Variants in HACD2 observed in about 807,000 individuals in gnomAD.
HACD2 encodes the protein 3-hydroxyacyl-CoA dehydratase 2.
A neutral mutation model predicts 31.0 loss-of-function variants in HACD2; 15 were observed. The observed-to-expected ratio is 0.48, with a 90% CI of 0.32 to 0.75. The LOEUF (loss-of-function observed/expected upper bound fraction) is 0.75. HACD2 is among the 30% of genes least tolerant of loss of function. HACD2 has a pLI of 0.03. For missense variants in HACD2, 283 were observed against 313.0 expected (o/e 0.90, Z 0.72); for synonymous variants, 115 against 122.2 (o/e 0.94, Z 0.39).
At chr3:123,528,313 C>G in intron 4 of HACD2, 73 bp downstream of exon 4, 1 of 921,694 alleles carries the variant, frequency 1.1e-6, no homozygotes. Flanking sequence ...TTAGCCATAA[C>G]AAACATGTGA....
At position 123,545,328 on chromosome 3, in the gene HACD2, A is replaced by T. The variant is rs2056545611; in HGVS notation, c.293-16854T>A. Among the ~76,000 whole-genome samples the T allele has an allele frequency of 2.6e-5, 4 of 151,214 alleles. No homozygotes were observed. The South Asian group carries it at 8.3e-4, about 32-fold the overall frequency. On this transcript the variant is annotated intron_variant, in intron 3 of 6. Transcript: ENST00000383657. ...GAAACCCCGTCTCTACTAAAAATAC[A>T]AAAATTAGCTGTGCGTGGTGGCACA...
chr3:123,502,342 T>G (rs73857650), intron 5 of HACD2, among the ~76,000 whole-genome samples: 1 of 152,218 alleles, frequency 6.6e-6, no homozygotes, highest in South Asian at 2.1e-4. Context: ...CTGATCCCAA[T>G]TAAAATAATT....
rs1413935634 is a variant in HACD2, at chr3:123,496,224, C to T, written c.683-1254G>A. On this transcript the variant is annotated intron_variant, in intron 6 of 6. Transcript: ENST00000383657. The stretch of plus-strand genomic sequence containing the variant: ...TTTTTTGTAGAGATGAGATCTCCTA[C>T]GTTGCCCAGGCTTGTCTGGAACCCC... Among the ~76,000 whole-genome samples the T allele has an allele frequency of 4.6e-5, 7 of 152,264 alleles. No homozygotes were observed. In the South Asian group the frequency reaches 8.3e-4, roughly 18 times the overall value.
chr3:123,494,679 T>C lies in HACD2; in HGVS notation c.*209A>G. ...TTCTGGTTGAAAGAGCATGCTGAAATGAACTGGCCAGGGTGTTTTATGTAA... is the reference window on the plus strand; with the variant it reads ...TTCTGGTTGAAAGAGCATGCTGAAACGAACTGGCCAGGGTGTTTTATGTAA... On this transcript the variant is annotated 3_prime_UTR_variant, in exon 7 of 7. Transcript: ENST00000383657. 1.8e-6 allele frequency: 1 copy of C among 568,878 alleles called. No individual in the cohort carries two copies. Among genetic ancestry groups the C allele is most frequent in the East Asian group, 3.1e-5 (1 of 32,458 alleles). 35.2% of individuals were successfully genotyped at this position (568,878 alleles called of 1,614,324 possible). A position where few individuals can be genotyped will look rare whatever the true frequency, so the allele number is the denominator to read the frequency against.
intron 5 of HACD2, among the ~76,000 whole-genome samples, chr3:123,501,147 A>G (rs1214885610): frequency 6.6e-6 from 1 of 151,960 alleles, no homozygotes; most frequent in Non-Finnish European, 1.5e-5. Context: ...CAAAAAAAAT[A>G]GCATAAGCAT....
intron 4 of HACD2, among the ~76,000 whole-genome samples, chr3:123,519,842 C>G (rs2056190489): frequency 6.6e-6 from 1 of 152,194 alleles, no homozygotes; most frequent in African/African-American, 2.4e-5. Flanking sequence ...AAGTAGTTTA[C>G]AGGTAATAGT....
At chr3:123,539,689 G>A (rs1003471217) in intron 3 of HACD2, among the ~76,000 whole-genome samples, 2 of 151,982 alleles carry the variant, frequency 1.3e-5, no homozygotes, top group Admixed American at 6.6e-5. Context: ...GAGAAGGCCT[G>A]TGCACCTGTT....
At chr3:123,559,375 A>C (rs1380515057) in intron 3 of HACD2, among the ~76,000 whole-genome samples, 2 of 152,242 alleles carry the variant, frequency 1.3e-5, no homozygotes, top group East Asian at 3.8e-4. Flanking sequence ...ACTGTACTTG[A>C]AATGAATTTC....
intron 4 of HACD2, among the ~76,000 whole-genome samples, chr3:123,508,221 G>T (rs114379798): frequency 1.3e-5 from 2 of 152,144 alleles, no homozygotes; most frequent in East Asian, 3.9e-4. Flanking sequence ...TAGGGGAGCG[G>T]GTACCATGAA....
At chr3:123,544,176 G>C (rs984315389) in intron 3 of HACD2, among the ~76,000 whole-genome samples, 2 of 152,174 alleles carry the variant, frequency 1.3e-5, no homozygotes, top group African/African-American at 4.8e-5. Context: ...AGAGCCTGTC[G>C]ACAGCACATA....
intron 3 of HACD2, among the ~76,000 whole-genome samples, chr3:123,563,185 C>T (rs990715436): frequency 6.6e-6 from 1 of 152,188 alleles, no homozygotes; most frequent in Non-Finnish European, 1.5e-5. Context: ...TCAGACCACA[C>T]ACATAATACA....
chr3:123,557,944 T>C (rs1018198833), intron 3 of HACD2, among the ~76,000 whole-genome samples: 6 of 152,248 alleles, frequency 3.9e-5, no homozygotes, highest in Non-Finnish European at 7.3e-5. Flanking sequence ...TCCAAAGGAT[T>C]TGAAAACTTG....
chr3:123,518,995 T>TAAAAAAAAAAA (rs67571643), intron 4 of HACD2, among the ~76,000 whole-genome samples: 2 of 42,502 alleles, frequency 4.7e-5, no homozygotes, highest in Admixed American at 3.1e-4. Context: ...AGACTCCAAC[T>TAAAAAAAAAAA]AAAAAAAAAA....
intron 3 of HACD2, among the ~76,000 whole-genome samples, chr3:123,546,557 C>T (rs557955684): frequency 3.3e-5 from 5 of 152,306 alleles, no homozygotes; most frequent in Non-Finnish European, 7.3e-5. Flanking sequence ...ACCATATTAA[C>T]TCATCACAGA....
chr3:123,571,824 G>A (rs912546405), intron 2 of HACD2, among the ~76,000 whole-genome samples: 1 of 152,126 alleles, frequency 6.6e-6, no homozygotes, highest in South Asian at 2.1e-4. Context: ...TTGTTTTACA[G>A]CAACAAAAAC....
intron 2 of HACD2, among the ~76,000 whole-genome samples, chr3:123,577,105 C>T (rs1254388): frequency 0.28 from 42,494 of 151,838 alleles, 7,447 homozygotes; most frequent in East Asian, 0.6. Context: ...TAAGGGGTTT[C>T]AAGTAGAAGA....
At chr3:123,582,183 C>T in intron 2 of HACD2, 29 bp downstream of exon 2, 1 of 1,368,552 alleles carries the variant, frequency 7.3e-7, no homozygotes, top group Non-Finnish European at 1.0e-6. Flanking sequence ...CAATGGAAAT[C>T]AATAACAACA....
chr3:123,567,878 C>T (rs1214807622), intron 2 of HACD2, 98 bp from the exon 3 acceptor site: 5 of 657,418 alleles, frequency 7.6e-6, no homozygotes, highest in Middle Eastern at 2.7e-4. Context: ...AATAGAGCAG[C>T]GTCTGCCAGC....
chr3:123,511,029 C>G (rs1450851727), intron 4 of HACD2, among the ~76,000 whole-genome samples: 3 of 151,562 alleles, frequency 2.0e-5, no homozygotes, highest in Non-Finnish European at 4.4e-5. Context: ...TTGCACGTCC[C>G]TAATGACTAG....
Sources: gnomAD v4.1 joint callset for allele counts (sites outside exome capture counted in the v4.1 genomes callset) on GRCh38, gnomAD v4.1.1 for gene constraint, MANE v1.5 for transcripts, NCBI Gene and HGNC (gene_info 2026-07-23, HGNC 2026-07-21) for gene names.